The following CATSPERG variants were observed in gnomAD, a reference collection of about 807,000 sequenced individuals.
CATSPERG encodes the protein cation channel sperm-associated auxiliary subunit gamma.
Under a neutral mutation model 145.0 loss-of-function variants are expected in CATSPERG, and 115 were observed. The observed-to-expected ratio is 0.79, with a 90% CI of 0.68 to 0.93. The LOEUF is 0.93. Among genes scored for constraint, CATSPERG ranks in the 40% least tolerant of loss-of-function variants. The pLI is 0.00. For missense variants in CATSPERG, 1,296 were observed against 1,490.1 expected (o/e 0.87, Z 2.14); for synonymous variants, 588 against 589.0 (o/e 1.00, Z 0.02).
intron 6 of CATSPERG, 29 bp from the exon 7 acceptor site, chr19:38,346,421 T>G: frequency 1.3e-5 from 20 of 1,509,400 alleles, no homozygotes; most frequent in Non-Finnish European, 1.4e-5. Context: ...GGGGAGAGTG[T>G]TGGCGTCCCT....
rs1412618145 is a variant in CATSPERG at position 38,344,872 on chromosome 19, CACACACACACAT to C, written c.669+506_669+517del. The stretch of plus-strand genomic sequence containing the variant: ...ACATGAACAGACACACACACACACA[CACACACACACAT>C]ATATATATATATATATATTTTTTTT... On this transcript the variant is annotated intron_variant, in intron 6 of 28. Transcript: ENST00000409235. Among the ~76,000 whole-genome samples, 8 of 89,004 alleles carry C rather than the reference CACACACACACAT, an allele frequency of 9.0e-5. 1 individual carries two copies. Among genetic ancestry groups the C allele is most frequent in the Admixed American group, 3.0e-4 (2 of 6,642 alleles). 58.4% of individuals were successfully genotyped at this position (89,004 alleles called of 152,430 possible).
chr19:38,337,666 A>G lies in CATSPERG; in HGVS notation c.324+20A>G. On this transcript the variant is annotated intron_variant, in intron 3 of 28. Coordinates refer to ENST00000409235, the MANE Select transcript of CATSPERG (RefSeq NM_021185.5). ...GAAAAGGTGAGTGGGTGCAGCACGG[A>G]TAGGCTCATTCTATGAGCCTTGGTT... The G allele has an allele frequency of 1.3e-6, 2 of 1,549,216 alleles. No homozygotes were observed. Among genetic ancestry groups the G allele is most frequent in the South Asian group, 2.4e-5 (2 of 84,002 alleles).
chr19:38,344,855 A>G lies in CATSPERG; in HGVS notation c.669+487A>G, dbSNP rs894193513. Among the ~76,000 whole-genome samples the G allele has an allele frequency of 9.9e-5, 12 of 120,956 alleles. 1 individual carries two copies. The highest frequency in any genetic ancestry group is 2.0e-4 in the Admixed American group (2 of 9,882). The allele number at this position is 120,956 out of a possible 152,430, so 79.4% of individuals were successfully genotyped here. On this transcript the variant is annotated intron_variant, in intron 6 of 28. Coordinates refer to ENST00000409235, the MANE Select transcript of CATSPERG (RefSeq NM_021185.5). The stretch of plus-strand genomic sequence containing the variant: ...TATATGTATATACCTGTACATGAAC[A>G]GACACACACACACACACACACACAC...
chr19:38,354,212 C>T (rs562413545), intron 8 of CATSPERG, among the ~76,000 whole-genome samples: 4 of 152,138 alleles, frequency 2.6e-5, no homozygotes, highest in Non-Finnish European at 2.9e-5. Flanking sequence ...TTGGCTTAAT[C>T]CAAAGAAAAG....
chr19:38,366,988 C>T, intron 22 of CATSPERG, 168 bp from the exon 23 acceptor site: 1 of 634,232 alleles, frequency 1.6e-6, no homozygotes, highest in Non-Finnish European at 2.7e-6. Flanking sequence ...GCCACTGCAC[C>T]AGGCCGTGTT....
rs369987001 is a variant in CATSPERG at position 38,370,555 on chromosome 19, G to A, written c.3243G>A (p.Val1081=). 14 of 1,614,054 alleles carry A rather than the reference G, an allele frequency of 8.7e-6. No individual in the cohort carries two copies. The highest frequency in any genetic ancestry group is 2.7e-5 in the African/African-American group (2 of 74,924). Residue 1081 remains valine (V), a synonymous_variant, in exon 29 of 29, where the codon GTG becomes GTA. Coordinates refer to ENST00000409235, the MANE Select transcript of CATSPERG (RefSeq NM_021185.5). Reference sequence around the variant, plus strand: ...CAGCTAGCGTGTTTGTGGGCCTGGTGATCTTCTACATCGCCTTCTGCCTCC... The same window carrying A: ...CAGCTAGCGTGTTTGTGGGCCTGGTAATCTTCTACATCGCCTTCTGCCTCC... ...MVSASVFVGL[V]IFYIAFCLLW... is the part of the protein sequence containing the mutation.
At chr19:38,369,502 C>A (rs1056352572) in intron 26 of CATSPERG, 13 of 228,114 alleles carry the variant, frequency 5.7e-5, no homozygotes, top group Non-Finnish European at 9.0e-5. Flanking sequence ...CTCAAGTGAT[C>A]CACCTGCCTC....
At chr19:38,363,597 C>A (rs1970392063) in intron 20 of CATSPERG, among the ~76,000 whole-genome samples, 1 of 150,182 alleles carries the variant, frequency 6.7e-6, no homozygotes, top group African/African-American at 2.5e-5. Context: ...TTTTCCTAGG[C>A]AGAGGACCCT....
intron 6 of CATSPERG, among the ~76,000 whole-genome samples, chr19:38,344,901 A>ATATTT (rs1468159196): frequency 1.2e-5 from 1 of 80,008 alleles, no homozygotes; most frequent in African/African-American, 4.8e-5. Context: ...ATATATATAT[A>ATATTT]TTTTTTTTTT....
intron 8 of CATSPERG, among the ~76,000 whole-genome samples, chr19:38,353,113 C>A (rs1970176708): frequency 6.7e-6 from 1 of 148,794 alleles, no homozygotes; most frequent in Non-Finnish European, 1.5e-5. Context: ...GCGGGTGGAT[C>A]ACTTGAGGTC....
At chr19:38,364,070 C>T (rs1485694455) in intron 20 of CATSPERG, among the ~76,000 whole-genome samples, 1 of 150,992 alleles carries the variant, frequency 6.6e-6, no homozygotes, top group Non-Finnish European at 1.5e-5. Flanking sequence ...ACCTCCCGGA[C>T]GGGGCAGCTG....
chr19:38,337,190 G>T, intron 1 of CATSPERG, 31 bp from the exon 2 acceptor site: 2 of 1,542,782 alleles, frequency 1.3e-6, no homozygotes. Flanking sequence ...GAGCTGTCCG[G>T]CGCGTGGGTG....
Position 38,360,101 on chromosome 19 carries a change from G to A in CATSPERG, c.1609-388G>A, listed in dbSNP as rs1176690613. On this transcript the variant is annotated intron_variant, in intron 14 of 28. Transcript: ENST00000409235. Reference sequence around the variant, plus strand: ...GTATGGGGGTGGGCATCAGTGCAGAGATGGGAAACTGAGGCCAGGGAAATG... The same window carrying A: ...GTATGGGGGTGGGCATCAGTGCAGAAATGGGAAACTGAGGCCAGGGAAATG... 3.0e-6 allele frequency: 3 copies of A among 985,342 alleles called. No homozygotes were observed. In the South Asian group the frequency reaches 1.4e-4, roughly 46 times the overall value. 61.0% of individuals were successfully genotyped at this position (985,342 alleles called of 1,614,324 possible). A position where few individuals can be genotyped will look rare whatever the true frequency, so the allele number is the denominator to read the frequency against.
chr19:38,365,006 G>A (rs370649955), intron 21 of CATSPERG, 35 bp downstream of exon 21: 22 of 1,613,550 alleles, frequency 1.4e-5, no homozygotes, highest in Non-Finnish European at 1.9e-5. Context: ...GGTGCAGGAT[G>A]GTGGGAAAGC....
rs528846927 is a variant in CATSPERG at position 38,345,869 on chromosome 19, C to G, written c.670-581C>G. Among the ~76,000 whole-genome samples the G allele has an allele frequency of 1.1e-4, 16 of 152,280 alleles. No individual in the cohort carries two copies. The South Asian group carries it at 2.9e-3, about 28-fold the overall frequency. ...CCCATTCATTGATGCAGTCACTCAGCAGGCACTTACTGAGCACACGTTGTT... is the reference window on the plus strand; with the variant it reads ...CCCATTCATTGATGCAGTCACTCAGGAGGCACTTACTGAGCACACGTTGTT... On this transcript the variant is annotated intron_variant, in intron 6 of 28. Coordinates refer to ENST00000409235, the MANE Select transcript of CATSPERG (RefSeq NM_021185.5).
chr19:38,365,136 C>T lies in CATSPERG; in HGVS notation c.2613+19C>T, dbSNP rs909920734. 24 of 1,611,348 alleles carry T rather than the reference C, an allele frequency of 1.5e-5. No individual in the cohort carries two copies. The highest frequency in any genetic ancestry group is 6.7e-5 in the Admixed American group (4 of 59,990). On this transcript the variant is annotated intron_variant, in intron 22 of 28. Transcript: ENST00000409235. ...TATGCAAGTATTGGAGCTTGGGATA[C>T]TGGGCCCTGGGAGGGGAAGGTTGGG...
intron 13 of CATSPERG, among the ~76,000 whole-genome samples, chr19:38,359,156 C>A (rs913961151): frequency 1.3e-5 from 2 of 151,824 alleles, no homozygotes; most frequent in African/African-American, 2.4e-5. Context: ...GGCTAATTGA[C>A]AAACATTTTC....
chr19:38,354,444 G>A (rs1460665734), intron 8 of CATSPERG, among the ~76,000 whole-genome samples: 2 of 152,184 alleles, frequency 1.3e-5, no homozygotes, highest in Admixed American at 1.3e-4. Context: ...GATTTGGCCG[G>A]CTTGGTCACA....
intron 5 of CATSPERG, 46 bp from the exon 6 acceptor site, chr19:38,344,250 C>A: frequency 6.5e-7 from 1 of 1,543,746 alleles, no homozygotes; most frequent in Non-Finnish European, 8.8e-7. Flanking sequence ...CTGTGGAACC[C>A]CTGACACTGG....
Sources: gnomAD v4.1 joint callset for allele counts (sites outside exome capture counted in the v4.1 genomes callset) on GRCh38, gnomAD v4.1.1 for gene constraint, MANE v1.5 for transcripts, NCBI Gene and HGNC (gene_info 2026-07-23, HGNC 2026-07-21) for gene names.